Variants in TMEM38B observed in about 807,000 individuals in gnomAD.
The protein encoded by TMEM38B is trimeric intracellular cation channel type B.
Under a neutral mutation model 28.7 loss-of-function variants are expected in TMEM38B, and 24 were observed. The ratio of observed to expected loss-of-function variants is 0.84; its 90% CI spans 0.61 to 1.18. The LOEUF (loss-of-function observed/expected upper bound fraction) is 1.18. Among genes scored for constraint, TMEM38B ranks in the 50% most tolerant of loss-of-function variants. The pLI, the probability that TMEM38B is intolerant of heterozygous loss-of-function variation, is 0.00. For synonymous variants in TMEM38B, 131 were observed against 127.7 expected (o/e 1.03, Z -0.17); for missense variants, 380 against 350.9 (o/e 1.08, Z -0.66).
At position 105,774,419 on chromosome 9, in the gene TMEM38B, TG is replaced by T. The variant is rs562364661; in HGVS notation, c.*340del. 9.3e-4 allele frequency: 151 copies of T among 162,366 alleles called. No homozygotes were observed. The highest frequency in any genetic ancestry group is 3.5e-3 in the African/African-American group (147 of 42,036). 10.1% of individuals were successfully genotyped at this position (162,366 alleles called of 1,614,324 possible). On this transcript the variant is annotated 3_prime_UTR_variant, in exon 6 of 6. Coordinates refer to ENST00000374692, the MANE Select transcript of TMEM38B (RefSeq NM_018112.3). ...AACAAAAATTTTAAGCTTTTAAAAA[TG>T]TAGATTTTTCATATTTTTAAAATTT... is the stretch of plus-strand genomic sequence containing the variant.
chr9:105,696,277 A>G (rs1835285107), intron 1 of TMEM38B, among the ~76,000 whole-genome samples: 1 of 152,176 alleles, frequency 6.6e-6, no homozygotes, highest in South Asian at 2.1e-4. Context: ...CATAAAGAAT[A>G]CATTATCATT....
intron 4 of TMEM38B, among the ~76,000 whole-genome samples, chr9:105,737,887 T>A (rs1369790038): frequency 6.6e-6 from 1 of 151,710 alleles, no homozygotes; most frequent in African/African-American, 2.4e-5. Flanking sequence ...CCCTGAGGAG[T>A]AGGACACAGA....
intron 5 of TMEM38B, among the ~76,000 whole-genome samples, chr9:105,768,849 C>G (rs10117187): frequency 0.21 from 31,979 of 151,946 alleles, 5,228 homozygotes; most frequent in East Asian, 0.47. Flanking sequence ...TTTCAAAGAC[C>G]CAGCTTTTGG....
In TMEM38B at chr9:105,773,571, ATGT is replaced by A. The variant is rs1826629338; in HGVS notation, c.661-291_661-289del. Among the ~76,000 whole-genome samples the A allele has an allele frequency of 4.6e-5, 7 of 152,250 alleles. No individual in the cohort carries two copies. The South Asian group carries it at 1.5e-3, about 32-fold the overall frequency. On this transcript the variant is annotated intron_variant, in intron 5 of 5. Coordinates refer to ENST00000374692, the MANE Select transcript of TMEM38B (RefSeq NM_018112.3). ...TCTGACACATGTTAAATGCATAGTG[ATGT>A]TGATATTTTATCTTACTTCCTTTGA...
At chr9:105,751,429 T>C (rs1374204845) in intron 5 of TMEM38B, among the ~76,000 whole-genome samples, 1 of 152,158 alleles carries the variant, frequency 6.6e-6, no homozygotes, top group Non-Finnish European at 1.5e-5. Context: ...TTGGGTCCAA[T>C]ACACACAGCT....
intron 2 of TMEM38B, among the ~76,000 whole-genome samples, chr9:105,719,971 G>A (rs2133574851): frequency 6.6e-6 from 1 of 152,010 alleles, no homozygotes; most frequent in Middle Eastern, 3.4e-3. Flanking sequence ...CAACTTCTTA[G>A]AAATTAGTTC....
intron 4 of TMEM38B, among the ~76,000 whole-genome samples, chr9:105,733,587 A>T (rs528762589): frequency 6.6e-6 from 1 of 152,114 alleles, no homozygotes; most frequent in African/African-American, 2.4e-5. Flanking sequence ...CTGTGAAGCC[A>T]TCTAGTTCTG....
rs977933332 is a variant in TMEM38B, at chr9:105,774,308, G to A, written c.*228G>A. ...ATGCTTTACCGGTATAAGAGATTCT[G>A]TTGTGATTATTTGAATAGTTTTATA... On this transcript the variant is annotated 3_prime_UTR_variant, in exon 6 of 6. Transcript: ENST00000374692. 11 of 351,262 alleles carry A rather than the reference G, an allele frequency of 3.1e-5. No homozygotes were observed. The highest frequency in any genetic ancestry group is 4.6e-5 in the Non-Finnish European group (9 of 196,802). The allele number at this position is 351,262 out of a possible 1,614,324, so 21.8% of individuals were successfully genotyped here.
intron 1 of TMEM38B, 64 bp downstream of exon 1, chr9:105,694,836 T>G: frequency 4.3e-5 from 1 of 23,356 alleles, no homozygotes; most frequent in Non-Finnish European, 7.9e-5. Context: ...ACCGTCTAAG[T>G]CGGGTGGGTC....
At chr9:105,694,793 G>A (rs369143880) in intron 1 of TMEM38B, 21 bp downstream of exon 1, 6 of 1,364,734 alleles carry the variant, frequency 4.4e-6, no homozygotes, top group Admixed American at 1.9e-5. Context: ...GGCGCCGCGG[G>A]CCGGACCCCT....
intron 5 of TMEM38B, among the ~76,000 whole-genome samples, chr9:105,756,488 T>A (rs1177666120): frequency 6.6e-6 from 1 of 152,212 alleles, no homozygotes; most frequent in Non-Finnish European, 1.5e-5. Flanking sequence ...AGCTGTATTA[T>A]TTTTGAGTTT....
At chr9:105,758,692 G>T in intron 5 of TMEM38B, 2 of 751,866 alleles carry the variant, frequency 2.7e-6, no homozygotes, top group Non-Finnish European at 4.7e-6. Flanking sequence ...CCAGAATTGA[G>T]AAAAAACAAC....
Position 105,759,554 on chromosome 9 carries a change from C to A in TMEM38B, c.660+11364C>A, listed in dbSNP as rs960698743. 15 of 1,559,592 alleles carry A rather than the reference C, an allele frequency of 9.6e-6. No individual in the cohort carries two copies. The African/African-American group carries it at 1.8e-4, about 18-fold the overall frequency. On this transcript the variant is annotated intron_variant, in intron 5 of 5. Transcript: ENST00000374692. ...TTAAGTGGTATGCATGATCTGTCCT[C>A]TAATAGCAAACCAAGTTGCTGTTCT...
rs1258516172 is a variant in TMEM38B, at chr9:105,775,630, A to G, written c.*1550A>G. On this transcript the variant is annotated 3_prime_UTR_variant, in exon 6 of 6. Transcript: ENST00000374692. ...TTTTATTTTTAATATTGTGACAGAA[A>G]GCTTTAAGTATTTAAGAGCTCTGTA... The G allele has an allele frequency of 6.6e-6, 1 of 152,118 alleles. No homozygotes were observed. The highest frequency in any genetic ancestry group is 2.4e-5 in the African/African-American group (1 of 41,448). 9.4% of individuals were successfully genotyped at this position (152,118 alleles called of 1,614,324 possible). A position where few individuals can be genotyped will look rare whatever the true frequency, so the allele number is the denominator to read the frequency against.
intron 4 of TMEM38B, among the ~76,000 whole-genome samples, chr9:105,726,876 T>C (rs1458453349): frequency 6.6e-6 from 1 of 152,158 alleles, no homozygotes; most frequent in African/African-American, 2.4e-5. Flanking sequence ...TTTTGCCTTC[T>C]GTTGAATCCA....
intron 5 of TMEM38B, among the ~76,000 whole-genome samples, chr9:105,770,040 T>G (rs1417535513): frequency 6.6e-6 from 1 of 152,196 alleles, no homozygotes; most frequent in African/African-American, 2.4e-5. Context: ...ACACTGTTCT[T>G]AGGCCCTTTT....
intron 5 of TMEM38B, among the ~76,000 whole-genome samples, chr9:105,750,627 C>A (rs1837612529): frequency 6.8e-6 from 1 of 147,862 alleles, no homozygotes; most frequent in Non-Finnish European, 1.5e-5. Context: ...AAACAAAAAA[C>A]AAAAAACACA....
chr9:105,773,811 T>C, intron 5 of TMEM38B, 54 bp from the exon 6 acceptor site: 1 of 1,543,028 alleles, frequency 6.5e-7, no homozygotes, highest in Admixed American at 1.8e-5. Flanking sequence ...TTCTCTCTCT[T>C]GAGAAACAGA....
At position 105,748,190 on chromosome 9, in the gene TMEM38B, G is replaced by T. The variant is rs1185427092; in HGVS notation, c.660G>T (p.Lys220Asn). 1 of 1,598,684 alleles carries T rather than the reference G, an allele frequency of 6.3e-7. No individual in the cohort carries two copies. The highest frequency in any genetic ancestry group is 8.6e-7 in the Non-Finnish European group (1 of 1,167,142). ...FLYTIFIVAT[K>N]ITMMTTQTST... Reference sequence around the variant, plus strand: ...ATACCATCTTTATTGTGGCCACAAAGGTAAGAATTCAAAGTACCTATAATT... The same window carrying T: ...ATACCATCTTTATTGTGGCCACAAATGTAAGAATTCAAAGTACCTATAATT... Residue 220 changes from lysine (K) to asparagine (N), a missense_variant and splice_region_variant, in exon 5 of 6, where the codon AAG becomes AAT. Physicochemically the swap from Lys to Asn is moderately conservative, Grantham distance 94. Coordinates refer to ENST00000374692, the MANE Select transcript of TMEM38B (RefSeq NM_018112.3).
Sources: allele counts gnomAD v4.1 joint callset (sites outside exome capture counted in the v4.1 genomes callset), GRCh38; gene constraint gnomAD v4.1.1; transcripts MANE v1.5; gene names NCBI Gene and HGNC (gene_info 2026-07-23, HGNC 2026-07-21).